The following ZC3H4 variants were observed in gnomAD, a reference collection of about 807,000 sequenced individuals.
ZC3H4 encodes the protein zinc finger CCCH domain-containing protein 4.
ZC3H4 carries 13 observed loss-of-function variants against 108.3 expected under a neutral mutation model. That is an observed-to-expected ratio of 0.12 (90% CI 0.08 to 0.19). ZC3H4 has a LOEUF of 0.19. Ranked by LOEUF, ZC3H4 falls within the 10% of genes least tolerant of loss-of-function variation. The pLI is 1.00. For missense variants in ZC3H4, 1,734 were observed against 1,838.8 expected, an observed-to-expected ratio of 0.94 and a Z score of 1.04; for synonymous variants, 917 against 749.6, an observed-to-expected ratio of 1.22 and a Z score of -3.65.
chr19:47,067,241 G>T lies in ZC3H4; in HGVS notation c.3027C>A (p.Asp1009Glu). Residue 1009 changes from aspartate to glutamate, a missense_variant, in exon 15 of 15, where the codon GAC becomes GAA. Asp to Glu is a conservative substitution (Grantham distance 45, BLOSUM62 2). Coordinates refer to ENST00000253048, the MANE Select transcript of ZC3H4 (RefSeq NM_015168.2). This position sits in a 1 kb window ranked among gnomAD's most constrained non-coding sequence, Gnocchi z 6.4. ...CCGTGGCAGCGCGGTGCAGCCGGGG[G>T]TCCAGGGTGGGCATGGATTGCAGGG... is the stretch of plus-strand genomic sequence containing the variant. ...PAALQSMPTL[D>E]PRLHRAATAG... The T allele has an allele frequency of 1.2e-6, 2 of 1,603,050 alleles. No homozygotes were observed. The highest frequency in any genetic ancestry group is 8.5e-7 in the Non-Finnish European group (1 of 1,174,796).
chr19:47,094,211 G>A, intron 3 of ZC3H4, 131 bp from the exon 4 acceptor site: 1 of 1,069,850 alleles, frequency 9.3e-7, no homozygotes, highest in Admixed American at 2.1e-5. Context: ...CTCACCTGGG[G>A]CACTTAGTGG....
At position 47,086,554 on chromosome 19, in the gene ZC3H4, G is replaced by C. The variant is rs1200410190; in HGVS notation, c.716-16C>G. 1 of 1,566,304 alleles carries C rather than the reference G, an allele frequency of 6.4e-7. No homozygotes were observed. The highest frequency in any genetic ancestry group is 8.6e-7 in the Non-Finnish European group (1 of 1,165,356). ...CCTCGGCTGCCTGCATGGAGATTCA[G>C]ATAGTGAGCCTCCAGCAGGAGCAGA... On this transcript the variant is annotated splice_polypyrimidine_tract_variant and intron_variant, in intron 5 of 14. Coordinates refer to ENST00000253048, the MANE Select transcript of ZC3H4 (RefSeq NM_015168.2).
Position 47,085,427 on chromosome 19 carries a change from G to A in ZC3H4, c.871-13C>T, listed in dbSNP as rs755640994. The A allele has an allele frequency of 1.4e-5, 22 of 1,565,500 alleles. No individual in the cohort carries two copies. The East Asian group carries it at 2.2e-4, about 16-fold the overall frequency. ...CACTCTCTCCATACTGGAATGCGCA[G>A]AGGAGAGGGCAGGAGAGCGTCAGGT... On this transcript the variant is annotated splice_polypyrimidine_tract_variant and intron_variant, in intron 6 of 14. Transcript: ENST00000253048.
intron 14 of ZC3H4, among the ~76,000 whole-genome samples, chr19:47,068,754 G>A (rs569345654): frequency 3.4e-4 from 52 of 152,308 alleles, no homozygotes; most frequent in African/African-American, 1.1e-3. Context: ...TTGAGAACAC[G>A]GTAGGAAAAC....
In ZC3H4 at chr19:47,071,854, T is replaced by G. The variant is rs749846543; in HGVS notation, c.2070A>C (p.Pro690=). The change falls in exon 13 of 15, where the codon CCA becomes CCC. Residue 690 remains proline, a synonymous_variant. Transcript: ENST00000253048. ...PHSGMMPPIP[P]AQNFYENFYQ... ...AGAAGTTTTCATAGAAGTTCTGGGC[T>G]GGCGGGATAGGGGGCATCATTCCAG... 2 of 1,613,584 alleles carry G rather than the reference T, an allele frequency of 1.2e-6. No homozygotes were observed. Among genetic ancestry groups the G allele is most frequent in the African/African-American group, 1.3e-5 (1 of 74,904 alleles).
At chr19:47,096,117 C>T (rs1220519884) in intron 2 of ZC3H4, among the ~76,000 whole-genome samples, 1 of 152,212 alleles carries the variant, frequency 6.6e-6, no homozygotes, top group Non-Finnish European at 1.5e-5. Flanking sequence ...GCCTCAAGAG[C>T]AGCTTTTTCT....
intron 11 of ZC3H4, among the ~76,000 whole-genome samples, chr19:47,073,617 A>T (rs948167903): frequency 2.6e-5 from 4 of 152,216 alleles, no homozygotes; most frequent in Non-Finnish European, 5.9e-5. Flanking sequence ...GGCATTTGGC[A>T]CATTAACAAT....
At chr19:47,078,807 C>T (rs931990342) in intron 11 of ZC3H4, among the ~76,000 whole-genome samples, 3 of 151,982 alleles carry the variant, frequency 2.0e-5, no homozygotes, top group Non-Finnish European at 4.4e-5. Context: ...TGCAGTGAGC[C>T]GAGATGGTGC....
chr19:47,081,753 G>T, intron 10 of ZC3H4, 131 bp from the exon 11 acceptor site: 1 of 767,372 alleles, frequency 1.3e-6, no homozygotes, highest in Non-Finnish European at 2.2e-6. Flanking sequence ...GAGGCGATGT[G>T]CTAAGGGCTG....
intron 2 of ZC3H4, among the ~76,000 whole-genome samples, chr19:47,111,476 G>A (rs1003407221): frequency 6.6e-6 from 1 of 152,160 alleles, no homozygotes; most frequent in Non-Finnish European, 1.5e-5. Flanking sequence ...CCCGACAGAG[G>A]GGGGAACCCC....
At chr19:47,070,005 C>CT (rs1455127949) in intron 13 of ZC3H4, among the ~76,000 whole-genome samples, 4 of 152,298 alleles carry the variant, frequency 2.6e-5, no homozygotes, top group Admixed American at 6.5e-5. Context: ...GAGCCAAGAG[C>CT]TGTGGGCAGC....
chr19:47,109,056 AT>A (rs897803867), intron 2 of ZC3H4, among the ~76,000 whole-genome samples: 1 of 152,108 alleles, frequency 6.6e-6, no homozygotes, highest in Admixed American at 6.5e-5. Flanking sequence ...GTATAATAAG[AT>A]TTGTTATTAA....
chr19:47,098,073 C>G (rs1315875954), intron 2 of ZC3H4, among the ~76,000 whole-genome samples: 2 of 152,234 alleles, frequency 1.3e-5, no homozygotes, highest in Non-Finnish European at 2.9e-5. Context: ...CCATTTTCAG[C>G]ACTGGCTGCT....
chr19:47,065,892 C>T lies in ZC3H4; in HGVS notation c.*464G>A, dbSNP rs186828034. On this transcript the variant is annotated 3_prime_UTR_variant, in exon 15 of 15. Coordinates refer to ENST00000253048, the MANE Select transcript of ZC3H4 (RefSeq NM_015168.2). ...CTAGAAACGCCTGGACCTGCTTCCACGCAGGCCCTGCCATGGTCTTGGTTC... is the reference window on the plus strand; with the variant it reads ...CTAGAAACGCCTGGACCTGCTTCCATGCAGGCCCTGCCATGGTCTTGGTTC... 191 of 154,908 alleles carry T rather than the reference C, an allele frequency of 1.2e-3. No individual in the cohort carries two copies. The highest frequency in any genetic ancestry group is 2.2e-3 in the Non-Finnish European group (156 of 69,942). The allele number at this position is 154,908 out of a possible 1,614,324, so 9.6% of individuals were successfully genotyped here. A position where few individuals can be genotyped will look rare whatever the true frequency, so the allele number is the denominator to read the frequency against.
chr19:47,085,446 G>T (rs373286706), intron 6 of ZC3H4, 32 bp from the exon 7 acceptor site: 1 of 1,526,650 alleles, frequency 6.6e-7, no homozygotes, highest in African/African-American at 1.4e-5. Flanking sequence ...GCAGGAGAGC[G>T]TCAGGTAGGG....
intron 5 of ZC3H4, among the ~76,000 whole-genome samples, chr19:47,087,956 G>A (rs979487591): frequency 9.2e-5 from 14 of 151,832 alleles, no homozygotes; most frequent in East Asian, 1.9e-4. Flanking sequence ...GGCGGATCAC[G>A]AAGTCAGGAG....
At chr19:47,083,182 G>A (rs1032161386) in intron 9 of ZC3H4, among the ~76,000 whole-genome samples, 1 of 151,772 alleles carries the variant, frequency 6.6e-6, no homozygotes, top group African/African-American at 2.4e-5. Flanking sequence ...GTAGCTGGGA[G>A]GCTGAGGAAG....
chr19:47,066,975 C>T lies in ZC3H4; in HGVS notation c.3293G>A (p.Gly1098Asp), dbSNP rs1430831603. The change falls in exon 15 of 15, where the codon GGC becomes GAC. Residue 1098 changes from glycine (G) to aspartate (D), a missense_variant. Around this residue, in one of 9 missense-constraint regions of ZC3H4, gnomAD observed 518 missense variants for 499.6 expected, o/e 1.04. Coordinates refer to ENST00000253048, the MANE Select transcript of ZC3H4 (RefSeq NM_015168.2). ...GGTGGGAGAGGGCGCCTCAGCAGGG[C>T]CGGGCTTGGCAGCCCGGGAGGAGGC... ...STASSRAAKPGPAEAPSPTAS... is the reference protein window; with the variant it reads ...STASSRAAKPDPAEAPSPTAS... 6.3e-7 allele frequency: 1 copy of T among 1,589,024 alleles called. No individual in the cohort carries two copies. The highest frequency in any genetic ancestry group is 1.3e-5 in the African/African-American group (1 of 74,324).
chr19:47,112,605 G>A lies in ZC3H4; in HGVS notation c.-5-16C>T. 2 of 1,213,106 alleles carry A rather than the reference G, an allele frequency of 1.6e-6. No homozygotes were observed. The highest frequency in any genetic ancestry group is 2.1e-6 in the Non-Finnish European group (2 of 969,124). 75.1% of individuals were successfully genotyped at this position (1,213,106 alleles called of 1,614,324 possible). A position where few individuals can be genotyped will look rare whatever the true frequency, so the allele number is the denominator to read the frequency against. On this transcript the variant is annotated splice_polypyrimidine_tract_variant and intron_variant, in intron 1 of 14. Coordinates refer to ENST00000253048, the MANE Select transcript of ZC3H4 (RefSeq NM_015168.2). ...TCCATAGTTCCTTTGGGGGGGAGGGGATGTTAATGCACGAAAAAGGACTGC... is the reference window on the plus strand; with the variant it reads ...TCCATAGTTCCTTTGGGGGGGAGGGAATGTTAATGCACGAAAAAGGACTGC...
Sources: gnomAD v4.1 joint callset for allele counts (sites outside exome capture counted in the v4.1 genomes callset) on GRCh38, gnomAD v4.1.1 for gene constraint, gnomAD v4.1.1 regional missense constraint, Gnocchi (gnomAD v3.1) non-coding constraint, MANE v1.5 for transcripts, NCBI Gene and HGNC (gene_info 2026-07-23, HGNC 2026-07-21) for gene names.